TMED10: variants seen among roughly 807,000 people sequenced by gnomAD.
TMED10 encodes the protein transmembrane emp24 domain-containing protein 10.
A neutral mutation model predicts 23.1 loss-of-function variants in TMED10; 7 were observed. The ratio of observed to expected loss-of-function variants is 0.30; its 90% CI spans 0.17 to 0.57. TMED10 has a LOEUF of 0.57. Ranked by LOEUF, TMED10 falls within the 20% of genes least tolerant of loss-of-function variation. TMED10 has a pLI of 0.91. For synonymous variants in TMED10, 113 were observed against 106.9 expected, an observed-to-expected ratio of 1.06 and a Z score of -0.35; for missense variants, 162 against 274.8, an observed-to-expected ratio of 0.59 and a Z score of 2.90.
Position 75,132,667 on chromosome 14 carries a change from T to A in TMED10, c.*2218A>T, listed in dbSNP as rs1026051689. ...AAAAGGGGGAAAAAAAAAGTTTGGGTTCATAGTAGCAGGAACATTAACAGA... is the reference window on the plus strand; with the variant it reads ...AAAAGGGGGAAAAAAAAAGTTTGGGATCATAGTAGCAGGAACATTAACAGA... On this transcript the variant is annotated 3_prime_UTR_variant, in exon 5 of 5. Transcript: ENST00000303575. 130 of 152,202 alleles carry A rather than the reference T, an allele frequency of 8.5e-4. No individual in the cohort carries two copies. Among genetic ancestry groups the A allele is most frequent in the African/African-American group, 3.0e-3 (124 of 41,512 alleles). 9.4% of individuals were successfully genotyped at this position (152,202 alleles called of 1,614,324 possible).
At chr14:75,151,875 C>T (rs571900222) in intron 2 of TMED10, among the ~76,000 whole-genome samples, 157 bp downstream of exon 2, 1 of 152,296 alleles carries the variant, frequency 6.6e-6, no homozygotes, top group South Asian at 2.1e-4. Context: ...ATGTAGTCGA[C>T]CTTTTAAAAG....
At chr14:75,155,603 C>A (rs184692554) in intron 1 of TMED10, among the ~76,000 whole-genome samples, 13 of 152,152 alleles carry the variant, frequency 8.5e-5, no homozygotes, top group African/African-American at 3.1e-4. Flanking sequence ...ATAAAGCTAA[C>A]AGAGAGAGAG....
intron 1 of TMED10, chr14:75,175,989 G>A: frequency 3.4e-6 from 1 of 297,256 alleles, no homozygotes; most frequent in Non-Finnish European, 6.5e-6. Context: ...AGGTATCGCG[G>A]TATCTTATGA....
At chr14:75,142,195 A>C (rs1028665599) in intron 3 of TMED10, among the ~76,000 whole-genome samples, 1 of 152,210 alleles carries the variant, frequency 6.6e-6, no homozygotes, top group Non-Finnish European at 1.5e-5. Context: ...AGGTTCTCCA[A>C]TAGGGGGTGA....
At chr14:75,174,417 A>C (rs1447761939) in intron 1 of TMED10, among the ~76,000 whole-genome samples, 2 of 152,028 alleles carry the variant, frequency 1.3e-5, no homozygotes, top group African/African-American at 4.8e-5. Flanking sequence ...AAAATATAAG[A>C]ACAAATCAGA....
At chr14:75,152,266 T>C in intron 1 of TMED10, 123 bp from the exon 2 acceptor site, 2 of 728,200 alleles carry the variant, frequency 2.7e-6, no homozygotes, top group East Asian at 2.8e-5. Context: ...ATGATGACTA[T>C]GTTCCAACCA....
intron 3 of TMED10, among the ~76,000 whole-genome samples, chr14:75,144,649 T>G (rs1439888630): frequency 6.6e-6 from 1 of 152,116 alleles, no homozygotes; most frequent in Admixed American, 6.6e-5. Flanking sequence ...GACATGAAAA[T>G]TAAAGAAGTA....
intron 3 of TMED10, chr14:75,136,836 T>A (rs1895756289): frequency 6.6e-6 from 1 of 152,160 alleles, no homozygotes; most frequent in Admixed American, 6.5e-5. Flanking sequence ...GAATGAAGGA[T>A]GTGAGAAAGA....
chr14:75,176,099 C>T lies in TMED10; in HGVS notation c.225+256G>A. 5.4e-6 allele frequency: 3 copies of T among 552,232 alleles called. No individual in the cohort carries two copies. The South Asian group carries it at 6.1e-5, about 11-fold the overall frequency. The allele number at this position is 552,232 out of a possible 1,614,324, so 34.2% of individuals were successfully genotyped here. On this transcript the variant is annotated intron_variant, in intron 1 of 4. Transcript: ENST00000303575. ...CAAAACTGGTATAGGACGTTGACAA[C>T]CGCCCCAGCTCAGGTGTCACCACAT...
intron 1 of TMED10, among the ~76,000 whole-genome samples, chr14:75,173,047 T>G (rs929402927): frequency 2.6e-5 from 4 of 152,168 alleles, no homozygotes; most frequent in African/African-American, 7.2e-5. Flanking sequence ...AATTTAAAAG[T>G]CTGGAGCTTT....
chr14:75,157,647 C>T (rs7157078), intron 1 of TMED10, among the ~76,000 whole-genome samples: 72,383 of 150,516 alleles, frequency 0.48, 17,700 homozygotes, highest in Middle Eastern at 0.58. Context: ...GAGAACATGT[C>T]TCAATAAATA....
chr14:75,165,927 T>C (rs1224967769), intron 1 of TMED10, among the ~76,000 whole-genome samples: 2 of 150,908 alleles, frequency 1.3e-5, no homozygotes, highest in Admixed American at 1.3e-4. Flanking sequence ...CCTGCTTCTA[T>C]CAGCATTTGC....
intron 3 of TMED10, among the ~76,000 whole-genome samples, chr14:75,138,824 T>TTTA (rs1555355598): frequency 2.6e-5 from 3 of 113,870 alleles, no homozygotes; most frequent in South Asian, 3.0e-4. Flanking sequence ...TTTTTTTTTT[T>TTTA]TTTTTTTTAT....
intron 1 of TMED10, among the ~76,000 whole-genome samples, chr14:75,161,212 A>T (rs1594872192): frequency 6.6e-6 from 1 of 152,206 alleles, no homozygotes; most frequent in Non-Finnish European, 1.5e-5. Flanking sequence ...CAGTGGCTGG[A>T]AACAGATTTT....
intron 1 of TMED10, among the ~76,000 whole-genome samples, chr14:75,169,257 G>C (rs1896200296): frequency 6.6e-6 from 1 of 152,248 alleles, no homozygotes; most frequent in South Asian, 2.1e-4. Flanking sequence ...GCAACACAGA[G>C]TGGTATATGA....
intron 3 of TMED10, among the ~76,000 whole-genome samples, chr14:75,139,752 C>T (rs1402198942): frequency 1.3e-5 from 2 of 151,856 alleles, no homozygotes; most frequent in African/African-American, 4.8e-5. Flanking sequence ...GCCATTTTTG[C>T]CTAATAAGTA....
At chr14:75,169,537 A>T (rs1896204894) in intron 1 of TMED10, among the ~76,000 whole-genome samples, 1 of 152,210 alleles carries the variant, frequency 6.6e-6, no homozygotes, top group Non-Finnish European at 1.5e-5. Context: ...ACGCGCCTAT[A>T]ATCCCAGCTA....
At chr14:75,173,038 AT>A (rs1896254282) in intron 1 of TMED10, among the ~76,000 whole-genome samples, 1 of 152,208 alleles carries the variant, frequency 6.6e-6, no homozygotes, top group African/African-American at 2.4e-5. Context: ...GGCTGATGAA[AT>A]TTAAAAGTCT....
chr14:75,174,745 TAA>T, intron 1 of TMED10, among the ~76,000 whole-genome samples: 1 of 152,024 alleles, frequency 6.6e-6, no homozygotes, highest in Admixed American at 6.6e-5. Context: ...GAAACCCTTT[TAA>T]AAAGTAAAAA....
Sources: gnomAD v4.1 joint callset for allele counts (sites outside exome capture counted in the v4.1 genomes callset) on GRCh38, gnomAD v4.1.1 for gene constraint, MANE v1.5 for transcripts, NCBI Gene and HGNC (gene_info 2026-07-23, HGNC 2026-07-21) for gene names.